GRID2IP: variants seen among roughly 807,000 people sequenced by gnomAD.
The protein encoded by GRID2IP is Grid2 interacting protein, also known as delphilin.
A neutral mutation model predicts 114.3 loss-of-function variants in GRID2IP; 78 were observed. The ratio of observed to expected loss-of-function variants is 0.68; its 90% CI spans 0.57 to 0.82. The LOEUF (loss-of-function observed/expected upper bound fraction) is 0.82, where lower values mean the gene tolerates loss of function less well. Among genes scored for constraint, GRID2IP ranks in the 40% least tolerant of loss-of-function variants. The pLI is 0.00. For missense variants in GRID2IP, 1,727 were observed against 1,678.5 expected (o/e 1.03, Z -0.51); for synonymous variants, 809 against 724.0 (o/e 1.12, Z -1.89).
chr7:6,536,867 C>G lies in GRID2IP; in HGVS notation c.584+2851G>C, dbSNP rs757112976. The stretch of plus-strand genomic sequence containing the variant: ...CATGGTGGCCTCTTTCGGTGGTGGT[C>G]GCCTATGCTCCGCTGCAGAGCCGAG... On this transcript the variant is annotated intron_variant, in intron 2 of 21. Transcript: ENST00000457091. The surrounding 1 kb of genome is among the most constrained non-coding windows in gnomAD (Gnocchi z 5.3). The G allele has an allele frequency of 4.5e-6, 3 of 660,200 alleles. No homozygotes were observed. Among genetic ancestry groups the G allele is most frequent in the South Asian group, 4.5e-5 (3 of 66,832 alleles). The allele number at this position is 660,200 out of a possible 1,614,324, so 40.9% of individuals were successfully genotyped here.
At chr7:6,510,779 G>A (rs910934996) in intron 9 of GRID2IP, 73 bp from the exon 10 acceptor site, 4 of 1,474,996 alleles carry the variant, frequency 2.7e-6, no homozygotes, top group African/African-American at 1.4e-5. Context: ...AACATGCCCC[G>A]CAGACCCAGG....
Position 6,503,160 on chromosome 7 carries a change from G to C in GRID2IP, c.2911C>G (p.Leu971Val). Reference protein sequence around the residue: ...SEPDQFVLQMLSVPEYKTRLR... With the variant: ...SEPDQFVLQMVSVPEYKTRLR... ...CGTGTCTTGTATTCGGGAACTGACA[G>C]CATCTGCCTCGAAGGCAGAGCCAGG... Residue 971 changes from leucine (L) to valine (V), a missense_variant, in exon 17 of 22, where the codon CTG becomes GTG. By Grantham distance (32) the Leu-to-Val change is conservative (BLOSUM62 1). Transcript: ENST00000457091. The C allele has an allele frequency of 6.7e-7, 1 of 1,485,144 alleles. No individual in the cohort carries two copies. Among genetic ancestry groups the C allele is most frequent in the South Asian group, 1.2e-5 (1 of 80,308 alleles). 92.0% of individuals were successfully genotyped at this position (1,485,144 alleles called of 1,614,324 possible). A position where few individuals can be genotyped will look rare whatever the true frequency, so the allele number is the denominator to read the frequency against.
Position 6,538,364 on chromosome 7 carries a change from TCAAAACAAAACAAAACAAAACAAAA to T in GRID2IP, c.584+1329_584+1353del, listed in dbSNP as rs57880924. On this transcript the variant is annotated intron_variant, in intron 2 of 21. Transcript: ENST00000457091. ...CTGGGTGACAGAGCGAGACCCTGTC[TCAAAACAAAACAAAACAAAACAAAA>T]CAAAACAAAACAAAACAAGAAAAGT... Among the ~76,000 whole-genome samples, 131 of 143,864 alleles carry T rather than the reference TCAAAACAAAACAAAACAAAACAAAA, an allele frequency of 9.1e-4. 1 individual carries two copies. The East Asian group carries it at 9.4e-3, about 10-fold the overall frequency. The allele number at this position is 143,864 out of a possible 152,430, so 94.4% of individuals were successfully genotyped here.
In GRID2IP at chr7:6,534,624, A is replaced by T. The variant is rs1779693445; in HGVS notation, c.584+5094T>A. ...GTCCTGTACGGTAGCCGCTAGCCATATGTCACTGTCACTGTTGTGTGCTTG... is the reference window on the plus strand; with the variant it reads ...GTCCTGTACGGTAGCCGCTAGCCATTTGTCACTGTCACTGTTGTGTGCTTG... On this transcript the variant is annotated intron_variant, in intron 2 of 21. Transcript: ENST00000457091. The surrounding 1 kb of genome is among the most constrained non-coding windows in gnomAD (Gnocchi z 4.5). Among the ~76,000 whole-genome samples the T allele has an allele frequency of 6.6e-6, 1 of 152,208 alleles. No homozygotes were observed. Among genetic ancestry groups the T allele is most frequent in the Non-Finnish European group, 1.5e-5 (1 of 68,042 alleles).
In GRID2IP at chr7:6,516,878, C is replaced by T. The variant is rs1779314082; in HGVS notation, c.1269-2349G>A. The stretch of plus-strand genomic sequence containing the variant: ...CCCCCTGTCTGGCGGACACGTGACT[C>T]ACATGACCTTACCTATCATTGGAGA... On this transcript the variant is annotated intron_variant, in intron 7 of 21. Transcript: ENST00000457091. This position sits in a 1 kb window ranked among gnomAD's most constrained non-coding sequence, Gnocchi z 4.3. Among the ~76,000 whole-genome samples the T allele has an allele frequency of 6.6e-6, 1 of 152,128 alleles. No homozygotes were observed. The highest frequency in any genetic ancestry group is 1.5e-5 in the Non-Finnish European group (1 of 68,016).
At position 6,509,430 on chromosome 7, in the gene GRID2IP, C is replaced by T; in HGVS notation, c.1772-117G>A. 1 of 919,576 alleles carries T rather than the reference C, an allele frequency of 1.1e-6. No homozygotes were observed. Among genetic ancestry groups the T allele is most frequent in the Non-Finnish European group, 1.5e-6 (1 of 646,428 alleles). The allele number at this position is 919,576 out of a possible 1,614,324, so 57.0% of individuals were successfully genotyped here. ...CTGTGTCCCAGGCCACTCTCCTTTC[C>T]CTCTCTGGGCACAGTGCAGGAAGAC... On this transcript the variant is annotated intron_variant, in intron 11 of 21. Coordinates refer to ENST00000457091, the MANE Select transcript of GRID2IP (RefSeq NM_001145118.2). This position sits in a 1 kb window ranked among gnomAD's most constrained non-coding sequence, Gnocchi z 4.9.
At chr7:6,539,654 G>A in intron 2 of GRID2IP, 64 bp downstream of exon 2, 1 of 1,433,144 alleles carries the variant, frequency 7.0e-7, no homozygotes, top group Non-Finnish European at 9.3e-7. Context: ...GGGTGGTTGT[G>A]AGGGAATGAT....
At chr7:6,542,274 C>T (rs1479327247) in intron 1 of GRID2IP, among the ~76,000 whole-genome samples, 1 of 129,862 alleles carries the variant, frequency 7.7e-6, no homozygotes, top group East Asian at 2.2e-4. Context: ...CATTGTACTC[C>T]AGCCTAGGCA....
chr7:6,509,339 T>G lies in GRID2IP; in HGVS notation c.1772-26A>C. On this transcript the variant is annotated intron_variant, in intron 11 of 21. Transcript: ENST00000457091. This position sits in a 1 kb window ranked among gnomAD's most constrained non-coding sequence, Gnocchi z 4.9. ...CTGGAGGAGGGATGGAGTATGAGGATTCCTCTTCAGCCAGCACCGAGGTTC... is the reference window on the plus strand; with the variant it reads ...CTGGAGGAGGGATGGAGTATGAGGAGTCCTCTTCAGCCAGCACCGAGGTTC... The G allele has an allele frequency of 1.4e-6, 2 of 1,466,094 alleles. No individual in the cohort carries two copies. Among genetic ancestry groups the G allele is most frequent in the Non-Finnish European group, 1.8e-6 (2 of 1,105,390 alleles). The allele number at this position is 1,466,094 out of a possible 1,614,324, so 90.8% of individuals were successfully genotyped here.
intron 1 of GRID2IP, among the ~76,000 whole-genome samples, chr7:6,550,585 C>G (rs190476103): frequency 6.9e-6 from 1 of 144,944 alleles, no homozygotes; most frequent in African/African-American, 2.6e-5. Context: ...CAGAGGTGGG[C>G]AGATCACTTG....
chr7:6,548,936 C>T lies in GRID2IP; in HGVS notation c.429+2072G>A, dbSNP rs112238951. Among the ~76,000 whole-genome samples, 249 of 152,162 alleles carry T rather than the reference C, an allele frequency of 1.6e-3. 2 individuals carry two copies. The highest frequency in any genetic ancestry group is 5.8e-3 in the African/African-American group (239 of 41,516). ...TTCATGTCCACAGGGGTCCGATAGC[C>T]AGGCAGGGGTAGGGACTGAGTGTCT... On this transcript the variant is annotated intron_variant, in intron 1 of 21. Transcript: ENST00000457091.
Position 6,526,697 on chromosome 7 carries a change from G to A in GRID2IP, c.657C>T (p.Cys219=), listed in dbSNP as rs751437078. Residue 219 remains cysteine, a synonymous_variant, in exon 3 of 22, where the codon TGC becomes TGT. Coordinates refer to ENST00000457091, the MANE Select transcript of GRID2IP (RefSeq NM_001145118.2). The surrounding 1 kb of genome is among the most constrained non-coding windows in gnomAD (Gnocchi z 7.6). ...VVSQGLLGKL[C]RARRAQGAQR... ...GCGCGCCCTGGGCCCGGCGTGCGCGGCACAGCTTGCCCAGGAGGCCCTGAG... is the reference window on the plus strand; with the variant it reads ...GCGCGCCCTGGGCCCGGCGTGCGCGACACAGCTTGCCCAGGAGGCCCTGAG... The A allele has an allele frequency of 2.8e-5, 42 of 1,499,900 alleles. No homozygotes were observed. The highest frequency in any genetic ancestry group is 2.4e-4 in the South Asian group (19 of 80,624). The allele number at this position is 1,499,900 out of a possible 1,614,324, so 92.9% of individuals were successfully genotyped here.
intron 16 of GRID2IP, 122 bp from the exon 17 acceptor site, chr7:6,503,285 G>T: frequency 1.8e-6 from 2 of 1,132,586 alleles, no homozygotes; most frequent in Non-Finnish European, 2.4e-6. Context: ...CCGGTAGGAA[G>T]AATAAGCACG....
chr7:6,504,963 T>A (rs1786533865), intron 14 of GRID2IP, 93 bp from the exon 15 acceptor site: 1 of 983,318 alleles, frequency 1.0e-6, no homozygotes, highest in Non-Finnish European at 1.6e-6. Context: ...ACAGCCACTA[T>A]CCCCCTAAGC....
rs1005599317 is a variant in GRID2IP, at chr7:6,508,588, G to A, written c.2128-187C>T. Among the ~76,000 whole-genome samples the A allele has an allele frequency of 1.3e-5, 2 of 151,738 alleles. No individual in the cohort carries two copies. The highest frequency in any genetic ancestry group is 4.8e-5 in the African/African-American group (2 of 41,384). On this transcript the variant is annotated intron_variant, in intron 12 of 21. Coordinates refer to ENST00000457091, the MANE Select transcript of GRID2IP (RefSeq NM_001145118.2). The surrounding 1 kb of genome is among the most constrained non-coding windows in gnomAD (Gnocchi z 5.6). Reference sequence around the variant, plus strand: ...TCACAGGTTAACCTCAGGCTGTGAGGGGGATAGCCTGGGCTAAGGATAGGA... The same window carrying A: ...TCACAGGTTAACCTCAGGCTGTGAGAGGGATAGCCTGGGCTAAGGATAGGA...
chr7:6,510,108 GCACGACC>G (rs1387278893), intron 11 of GRID2IP, among the ~76,000 whole-genome samples, 168 bp downstream of exon 11: 1 of 152,184 alleles, frequency 6.6e-6, no homozygotes, highest in Non-Finnish European at 1.5e-5. Context: ...GGGATTACAG[GCACGACC>G]CACGGTACCC....
At chr7:6,504,229 G>C (rs1211389657) in intron 15 of GRID2IP, among the ~76,000 whole-genome samples, 2 of 150,986 alleles carry the variant, frequency 1.3e-5, no homozygotes, top group Non-Finnish European at 3.0e-5. Flanking sequence ...GGAGCCTGGC[G>C]GGTAGGAGCA....
chr7:6,506,066 G>A lies in GRID2IP; in HGVS notation c.2545-159C>T, dbSNP rs1488971851. Among the ~76,000 whole-genome samples the A allele has an allele frequency of 6.6e-6, 1 of 152,202 alleles. No individual in the cohort carries two copies. Among genetic ancestry groups the A allele is most frequent in the Non-Finnish European group, 1.5e-5 (1 of 68,032 alleles). ...GGAGCAGGAGGAGACTGCAGGAGAA[G>A]CCAGATCATCCGAGTCACCGGGTGC... On this transcript the variant is annotated intron_variant, in intron 13 of 21. Transcript: ENST00000457091. The surrounding 1 kb of genome is among the most constrained non-coding windows in gnomAD (Gnocchi z 5.2).
intron 8 of GRID2IP, among the ~76,000 whole-genome samples, chr7:6,511,548 T>A (rs1424266507): frequency 3.3e-5 from 5 of 151,928 alleles, no homozygotes; most frequent in African/African-American, 1.2e-4. Flanking sequence ...AATTTTTGTA[T>A]TTTTAGTAGA....
Sources: allele counts gnomAD v4.1 joint callset (sites outside exome capture counted in the v4.1 genomes callset), GRCh38; gene constraint gnomAD v4.1.1; non-coding constraint Gnocchi (gnomAD v3.1); transcripts MANE v1.5; gene names NCBI Gene and HGNC (gene_info 2026-07-23, HGNC 2026-07-21).